Variants in CCDC148 observed in about 807,000 individuals in gnomAD.
CCDC148 encodes the protein coiled-coil domain containing 148.
In CCDC148, 89 loss-of-function variants were observed where a neutral mutation model predicts 85.7. The observed-to-expected ratio is 1.04, with a 90% CI of 0.87 to 1.24. CCDC148 has a LOEUF of 1.24. Among genes scored for constraint, CCDC148 ranks in the 50% most tolerant of loss-of-function variants. The probability of loss-of-function intolerance (pLI) is 0.00; values close to 1 mark genes in which losing one functional copy is unlikely to be tolerated. For missense variants in CCDC148, 692 were observed against 671.7 expected (o/e 1.03, Z -0.33); for synonymous variants, 230 against 213.9 (o/e 1.08, Z -0.66).
chr2:158,354,364 T>A (rs1441293912), intron 2 of CCDC148, among the ~76,000 whole-genome samples: 22 of 151,910 alleles, frequency 1.4e-4, no homozygotes, highest in Admixed American at 1.3e-3. Context: ...GAGAAGAATC[T>A]AATAGACACA....
intron 1 of CCDC148, chr2:158,425,308 G>A (rs1687024708): frequency 1.1e-5 from 6 of 528,990 alleles, no homozygotes; most frequent in Non-Finnish European, 2.3e-5. Context: ...CCATACTAAA[G>A]GAGGACATTG....
At chr2:158,245,617 G>A (rs1688539444) in intron 10 of CCDC148, among the ~76,000 whole-genome samples, 1 of 152,124 alleles carries the variant, frequency 6.6e-6, no homozygotes, top group African/African-American at 2.4e-5. Context: ...TGGATTCTGT[G>A]GAACTCTAAA....
chr2:158,225,272 G>T (rs554942282), intron 10 of CCDC148, among the ~76,000 whole-genome samples: 327 of 152,272 alleles, frequency 2.1e-3, no homozygotes, highest in Non-Finnish European at 3.8e-3. Flanking sequence ...AAATATATAT[G>T]CACCCAAAAC....
intron 7 of CCDC148, among the ~76,000 whole-genome samples, chr2:158,316,595 G>A (rs1437669856): frequency 1.3e-5 from 2 of 152,026 alleles, no homozygotes; most frequent in Non-Finnish European, 2.9e-5. Context: ...ATGCTTAAAG[G>A]AAATGATATA....
At chr2:158,275,432 C>G (rs563242391) in intron 9 of CCDC148, among the ~76,000 whole-genome samples, 1 of 152,152 alleles carries the variant, frequency 6.6e-6, no homozygotes, top group Non-Finnish European at 1.5e-5. Context: ...TCTGGATGCA[C>G]GAGTGGGAGC....
chr2:158,193,714 T>C (rs913262314), intron 11 of CCDC148, among the ~76,000 whole-genome samples: 4 of 152,074 alleles, frequency 2.6e-5, no homozygotes, highest in East Asian at 3.9e-4. Flanking sequence ...TGCAAGAACA[T>C]TGGAGTATAT....
intron 9 of CCDC148, among the ~76,000 whole-genome samples, chr2:158,267,128 C>A (rs868348330): frequency 2.7e-4 from 41 of 151,896 alleles, no homozygotes; most frequent in African/African-American, 7.7e-4. Context: ...ACATGCCAGG[C>A]CCTCTATTAT....
chr2:158,391,386 T>G (rs1273134019), intron 1 of CCDC148, among the ~76,000 whole-genome samples: 1 of 152,178 alleles, frequency 6.6e-6, no homozygotes, highest in Non-Finnish European at 1.5e-5. Context: ...TATCATAAAA[T>G]TTTAGAGAAC....
intron 1 of CCDC148, among the ~76,000 whole-genome samples, chr2:158,369,113 AC>A (rs1343273543): frequency 6.6e-6 from 1 of 151,954 alleles, no homozygotes; most frequent in African/African-American, 2.4e-5. Context: ...GATGTTAAAA[AC>A]AATACCAATA....
chr2:158,424,969 C>G (rs1270597486), intron 1 of CCDC148: 4 of 316,794 alleles, frequency 1.3e-5, no homozygotes, highest in Non-Finnish European at 2.5e-5. Context: ...CAAAGTTGCA[C>G]AACCCAAAGA....
intron 11 of CCDC148, among the ~76,000 whole-genome samples, chr2:158,202,085 T>C (rs1685993866): frequency 6.6e-6 from 1 of 152,218 alleles, no homozygotes; most frequent in Admixed American, 6.5e-5. Context: ...TTATTTGCAC[T>C]ATTCTTATAA....
Position 158,309,614 on chromosome 2 carries a change from T to G in CCDC148, c.929A>C (p.Gln310Pro), listed in dbSNP as rs368915820. ...TTGCTGCTCTATAGCAAAGCGATAT[T>G]GGTCACAATATTTCTCGTGTTCAAC... ...DLVEHEKYCDQYRFAIEQQNI... is the reference protein window; with the variant it reads ...DLVEHEKYCDPYRFAIEQQNI... Residue 310 changes from glutamine (Q) to proline (P), a missense_variant, in exon 9 of 14, where the codon CAA (glutamine) becomes CCA (proline). Gln to Pro is a moderately conservative substitution (Grantham distance 76). Coordinates refer to ENST00000283233, the MANE Select transcript of CCDC148 (RefSeq NM_138803.4). 1 of 1,613,128 alleles carries G rather than the reference T, an allele frequency of 6.2e-7. No homozygotes were observed. The highest frequency in any genetic ancestry group is 2.2e-5 in the East Asian group (1 of 44,882).
intron 8 of CCDC148, among the ~76,000 whole-genome samples, chr2:158,310,877 G>A (rs2105210616): frequency 6.7e-6 from 1 of 150,018 alleles, no homozygotes; most frequent in Non-Finnish European, 1.5e-5. Context: ...TTCCCAGACT[G>A]GGTGGCCGGG....
chr2:158,304,065 T>C (rs2105202597), intron 9 of CCDC148, among the ~76,000 whole-genome samples: 1 of 152,256 alleles, frequency 6.6e-6, no homozygotes. Flanking sequence ...GCAGAATGCA[T>C]GGCTCACTCT....
At chr2:158,215,594 T>C (rs1260228461) in intron 11 of CCDC148, among the ~76,000 whole-genome samples, 3 of 152,116 alleles carry the variant, frequency 2.0e-5, no homozygotes, top group Non-Finnish European at 4.4e-5. Flanking sequence ...ATGCACAATG[T>C]GCAGGTTTGT....
intron 7 of CCDC148, among the ~76,000 whole-genome samples, chr2:158,325,960 G>A (rs996169126): frequency 6.6e-6 from 1 of 152,080 alleles, no homozygotes; most frequent in Non-Finnish European, 1.5e-5. Context: ...CTTAAACACA[G>A]TAACTGCCAA....
chr2:158,242,397 T>G (rs1161983340), intron 10 of CCDC148, among the ~76,000 whole-genome samples: 1 of 152,196 alleles, frequency 6.6e-6, no homozygotes, highest in Non-Finnish European at 1.5e-5. Context: ...ACGTGCAAAC[T>G]GCTTCACATG....
chr2:158,389,118 T>G (rs1289670007), intron 1 of CCDC148, among the ~76,000 whole-genome samples: 2 of 152,310 alleles, frequency 1.3e-5, no homozygotes, highest in African/African-American at 4.8e-5. Flanking sequence ...ACACATACTC[T>G]TCCTTAAAAA....
intron 9 of CCDC148, among the ~76,000 whole-genome samples, chr2:158,267,647 G>T (rs1170216147): frequency 6.6e-6 from 1 of 152,122 alleles, no homozygotes; most frequent in African/African-American, 2.4e-5. Context: ...ATTAGAGATT[G>T]TCATTGATCT....
Sources: gnomAD v4.1 joint callset for allele counts (sites outside exome capture counted in the v4.1 genomes callset) on GRCh38, gnomAD v4.1.1 for gene constraint, MANE v1.5 for transcripts, NCBI Gene and HGNC (gene_info 2026-07-23, HGNC 2026-07-21) for gene names.